The following PDE5A variants were observed in gnomAD, a reference collection of about 807,000 sequenced individuals.
PDE5A encodes phosphodiesterase 5A, also known as cGMP-specific 3',5'-cyclic phosphodiesterase.
PDE5A carries 67 observed loss-of-function variants against 110.2 expected under a neutral mutation model. That is an observed-to-expected ratio of 0.61 (90% CI 0.50 to 0.75). PDE5A has a LOEUF of 0.75. Ranked by LOEUF, PDE5A falls within the 30% of genes least tolerant of loss-of-function variation. PDE5A has a pLI of 0.00. For synonymous variants in PDE5A, 328 were observed against 351.2 expected (o/e 0.93, Z 0.74); for missense variants, 862 against 1,045.1 (o/e 0.82, Z 2.42).
At chr4:119,522,665 G>A (rs1421955674) in intron 12 of PDE5A, among the ~76,000 whole-genome samples, 7 of 151,932 alleles carry the variant, frequency 4.6e-5, no homozygotes, top group Admixed American at 4.6e-4. Flanking sequence ...GGACCTAATA[G>A]AATTGGATAA....
At chr4:119,521,091 T>G (rs1421845324) in intron 12 of PDE5A, 31 bp from the exon 13 acceptor site, 1 of 1,602,008 alleles carries the variant, frequency 6.2e-7, no homozygotes, top group Non-Finnish European at 8.5e-7. Context: ...GTAGTAACAA[T>G]AATTGCCAAC....
chr4:119,620,359 C>A (rs1163515566), intron 1 of PDE5A, among the ~76,000 whole-genome samples: 2 of 152,144 alleles, frequency 1.3e-5, no homozygotes, highest in Non-Finnish European at 2.9e-5. Flanking sequence ...CCTTAAAATG[C>A]AGAATTGCTT....
intron 1 of PDE5A, among the ~76,000 whole-genome samples, chr4:119,608,181 T>TA (rs1729608238): frequency 6.6e-6 from 1 of 152,160 alleles, no homozygotes; most frequent in African/African-American, 2.4e-5. Flanking sequence ...TTAATAATGG[T>TA]AAAAAAGATC....
intron 1 of PDE5A, among the ~76,000 whole-genome samples, chr4:119,625,494 A>G (rs577383204): frequency 6.6e-6 from 1 of 152,314 alleles, no homozygotes; most frequent in South Asian, 2.1e-4. Flanking sequence ...ATGGAAAATC[A>G]TGCATGAATG....
At chr4:119,538,226 GT>G (rs1168090531) in intron 11 of PDE5A, among the ~76,000 whole-genome samples, 2 of 152,104 alleles carry the variant, frequency 1.3e-5, no homozygotes, top group Non-Finnish European at 2.9e-5. Flanking sequence ...GGCACAAAGA[GT>G]TTAGCATGTG....
At chr4:119,582,902 G>C (rs567605349) in intron 3 of PDE5A, among the ~76,000 whole-genome samples, 1 of 152,304 alleles carries the variant, frequency 6.6e-6, no homozygotes, top group Non-Finnish European at 1.5e-5. Flanking sequence ...AGGCTTTGTT[G>C]TTCCATTTGC....
At chr4:119,546,438 G>C (rs2110490523) in intron 9 of PDE5A, among the ~76,000 whole-genome samples, 1 of 152,092 alleles carries the variant, frequency 6.6e-6, no homozygotes, top group South Asian at 2.1e-4. Context: ...TCTACATTTA[G>C]ACTTTCTGTT....
intron 16 of PDE5A, 76 bp from the exon 17 acceptor site, chr4:119,506,008 G>A: frequency 4.2e-6 from 3 of 711,066 alleles, no homozygotes; most frequent in Non-Finnish European, 6.7e-6. Context: ...AAAGACTCAT[G>A]GACTAAATTT....
intron 12 of PDE5A, among the ~76,000 whole-genome samples, chr4:119,522,636 A>C (rs1478663704): frequency 6.6e-6 from 1 of 152,028 alleles, no homozygotes; most frequent in Non-Finnish European, 1.5e-5. Flanking sequence ...GGACTACTCT[A>C]TTTTCCTTTT....
At chr4:119,528,053 C>CAAA (rs3836707) in intron 11 of PDE5A, among the ~76,000 whole-genome samples, 1 of 149,634 alleles carries the variant, frequency 6.7e-6, no homozygotes, top group Non-Finnish European at 1.5e-5. Context: ...ATATGGAATG[C>CAAA]AAAAAAAAAA....
intron 3 of PDE5A, among the ~76,000 whole-genome samples, chr4:119,580,824 A>G (rs909763439): frequency 2.0e-5 from 3 of 152,382 alleles, no homozygotes; most frequent in African/African-American, 4.8e-5. Flanking sequence ...AAAATTTTGT[A>G]TATCAACATA....
chr4:119,505,018 ATAG>A (rs1725506702), intron 17 of PDE5A, among the ~76,000 whole-genome samples: 1 of 152,204 alleles, frequency 6.6e-6, no homozygotes, highest in South Asian at 2.1e-4. Context: ...ATCAGAAATT[ATAG>A]TAGGTCATCC....
At chr4:119,591,430 T>C (rs1302568506) in intron 3 of PDE5A, among the ~76,000 whole-genome samples, 1 of 152,202 alleles carries the variant, frequency 6.6e-6, no homozygotes, top group Non-Finnish European at 1.5e-5. Context: ...TCCTGGTTTG[T>C]CAGCCAGCAA....
At chr4:119,535,977 G>C (rs1726711880) in intron 11 of PDE5A, among the ~76,000 whole-genome samples, 1 of 152,068 alleles carries the variant, frequency 6.6e-6, no homozygotes. Flanking sequence ...GGCTGTACAG[G>C]CATTTTTATT....
At chr4:119,505,103 C>T (rs749736921) in intron 17 of PDE5A, among the ~76,000 whole-genome samples, 1 of 151,914 alleles carries the variant, frequency 6.6e-6, no homozygotes, top group Non-Finnish European at 1.5e-5. Context: ...TTTCAGCTTT[C>T]TCCTTTATTG....
intron 4 of PDE5A, 141 bp downstream of exon 4, chr4:119,566,932 A>G (rs1727955903): frequency 1.5e-6 from 1 of 673,594 alleles, no homozygotes; most frequent in Non-Finnish European, 2.7e-6. Flanking sequence ...CCTAAGATAC[A>G]CTTGAACATT....
intron 20 of PDE5A, among the ~76,000 whole-genome samples, chr4:119,500,564 ATTAAAAC>A (rs1464595406): frequency 3.9e-5 from 6 of 152,136 alleles, no homozygotes; most frequent in Admixed American, 3.3e-4. Context: ...TTTCCAAATA[ATTAAAAC>A]TTAAAACATT....
Position 119,628,764 on chromosome 4 carries a change from C to G in PDE5A, c.-93G>C, listed in dbSNP as rs1477521848. On this transcript the variant is annotated 5_prime_UTR_variant, in exon 1 of 21. Transcript: ENST00000354960. ...AGAAGAACAGGACTCGGCCTCGAGA[C>G]CCTCCCCCTTCGTCCTGCTCCAGTC... 1.3e-6 allele frequency: 2 copies of G among 1,530,584 alleles called. No homozygotes were observed. The highest frequency in any genetic ancestry group is 1.9e-5 in the Admixed American group (1 of 53,032). The allele number at this position is 1,530,584 out of a possible 1,614,324, so 94.8% of individuals were successfully genotyped here. A position where few individuals can be genotyped will look rare whatever the true frequency, so the allele number is the denominator to read the frequency against.
chr4:119,519,463 T>C (rs1334724156), intron 13 of PDE5A: 1 of 211,372 alleles, frequency 4.7e-6, no homozygotes, highest in Admixed American at 5.8e-5. Context: ...AAATAATTGT[T>C]TTTTTCCTCT....
Sources: allele counts gnomAD v4.1 joint callset (sites outside exome capture counted in the v4.1 genomes callset), GRCh38; gene constraint gnomAD v4.1.1; transcripts MANE v1.5; gene names NCBI Gene and HGNC (gene_info 2026-07-23, HGNC 2026-07-21).